RCSD1: variants seen among roughly 807,000 people sequenced by gnomAD.
The protein encoded by RCSD1 is capZ-interacting protein.
Under a neutral mutation model 42.5 loss-of-function variants are expected in RCSD1, and 26 were observed. The ratio of observed to expected loss-of-function variants is 0.61; its 90% CI spans 0.45 to 0.85. The LOEUF (loss-of-function observed/expected upper bound fraction) is 0.85. RCSD1 is among the 40% of genes least tolerant of loss of function. The probability of loss-of-function intolerance (pLI) is 0.00; values close to 1 mark genes in which losing one functional copy is unlikely to be tolerated. For synonymous variants in RCSD1, 220 were observed against 212.2 expected (o/e 1.04, Z -0.32); for missense variants, 571 against 528.3 (o/e 1.08, Z -0.79).
At chr1:167,701,300 C>CTTTCTTTCTTTA (rs1659635533) in intron 6 of RCSD1, among the ~76,000 whole-genome samples, 1 of 145,786 alleles carries the variant, frequency 6.9e-6, no homozygotes, top group Non-Finnish European at 1.5e-5. Flanking sequence ...TTCTTTCTTT[C>CTTTCTTTCTTTA]TTTCTTTCTT....
chr1:167,686,348 T>C (rs1181249203), intron 3 of RCSD1, among the ~76,000 whole-genome samples: 2 of 152,198 alleles, frequency 1.3e-5, no homozygotes, highest in African/African-American at 2.4e-5. Context: ...GGGACCAGCA[T>C]CCTGACAATA....
At chr1:167,651,370 T>G (rs989172317) in intron 1 of RCSD1, among the ~76,000 whole-genome samples, 1 of 152,184 alleles carries the variant, frequency 6.6e-6, no homozygotes, top group Non-Finnish European at 1.5e-5. Flanking sequence ...GTCCCACCTT[T>G]CCCTTCATGC....
Position 167,685,473 on chromosome 1 carries a change from T to C in RCSD1, c.161T>C (p.Phe54Ser), listed in dbSNP as rs781603481. 4 of 1,613,160 alleles carry C rather than the reference T, an allele frequency of 2.5e-6. No homozygotes were observed. The highest frequency in any genetic ancestry group is 2.7e-5 in the African/African-American group (2 of 74,704). The part of the protein sequence containing the change: ...RRKPPCSLPL[F>S]PPKVDLGQNG... ...AAACCGCCCTGTTCCCTCCCCCTGT[T>C]CCCCCCCAAGGTAGACCTGGGCCAG... Residue 54 changes from phenylalanine (F) to serine (S), a missense_variant, in exon 3 of 7, where the codon TTC becomes TCC. By Grantham distance (155) the Phe-to-Ser change is radical. Coordinates refer to ENST00000367854, the MANE Select transcript of RCSD1 (RefSeq NM_052862.4).
chr1:167,658,063 G>A (rs1224009716), intron 1 of RCSD1, among the ~76,000 whole-genome samples: 1 of 152,026 alleles, frequency 6.6e-6, no homozygotes, highest in African/African-American at 2.4e-5. Flanking sequence ...GAGTAACTGG[G>A]ACTACAGGTG....
intron 1 of RCSD1, among the ~76,000 whole-genome samples, chr1:167,636,586 TTTTG>T (rs574721447): frequency 3.3e-5 from 5 of 152,076 alleles, no homozygotes; most frequent in East Asian, 1.9e-4. Flanking sequence ...TTTTGTTTTT[TTTTG>T]TTTGTTTGTT....
At chr1:167,649,579 G>A (rs999564728) in intron 1 of RCSD1, among the ~76,000 whole-genome samples, 6 of 152,200 alleles carry the variant, frequency 3.9e-5, no homozygotes, top group Non-Finnish European at 2.9e-5. Context: ...CAGGAAGTTG[G>A]CTCTGGCCGT....
At chr1:167,680,571 A>G (rs1029284425) in intron 1 of RCSD1, among the ~76,000 whole-genome samples, 8 of 152,160 alleles carry the variant, frequency 5.3e-5, no homozygotes, top group African/African-American at 1.9e-4. Flanking sequence ...GCCTCGACCA[A>G]CTGGGCCCGA....
chr1:167,630,331 T>C lies in RCSD1; in HGVS notation c.-93T>C. On this transcript the variant is annotated 5_prime_UTR_variant, in exon 1 of 7. Coordinates refer to ENST00000367854, the MANE Select transcript of RCSD1 (RefSeq NM_052862.4). ...CCCTGTGCCCGCCGCAGCCCGAAAC[T>C]GGCCACGGCCGGGAGCGGAGGGGAC... 1 of 1,285,442 alleles carries C rather than the reference T, an allele frequency of 7.8e-7. No homozygotes were observed. The highest frequency in any genetic ancestry group is 1.0e-6 in the Non-Finnish European group (1 of 1,000,794). 79.6% of individuals were successfully genotyped at this position (1,285,442 alleles called of 1,614,324 possible).
chr1:167,689,980 T>G, intron 3 of RCSD1, 69 bp from the exon 4 acceptor site: 1 of 1,458,634 alleles, frequency 6.9e-7, no homozygotes, highest in Non-Finnish European at 9.6e-7. Context: ...CTGTGGCTTT[T>G]GGGTTCCAAC....
chr1:167,674,118 A>G lies in RCSD1; in HGVS notation c.7-9782A>G, dbSNP rs372004402. Among the ~76,000 whole-genome samples, 58 of 152,364 alleles carry G rather than the reference A, an allele frequency of 3.8e-4. 2 individuals are homozygous for G. The South Asian group carries it at 0.011, about 30-fold the overall frequency. ...CCCACATCTGACAAGTGTCAGGCCC[A>G]TAAGGTGTTCAATAAATATTAACTG... On this transcript the variant is annotated intron_variant, in intron 1 of 6. Transcript: ENST00000367854.
At chr1:167,659,163 C>G (rs78327305) in intron 1 of RCSD1, among the ~76,000 whole-genome samples, 5 of 152,100 alleles carry the variant, frequency 3.3e-5, no homozygotes, top group Admixed American at 2.0e-4. Context: ...CAAGTACTAT[C>G]GTAAGTTTGA....
intron 1 of RCSD1, among the ~76,000 whole-genome samples, chr1:167,674,732 T>G: frequency 6.6e-6 from 1 of 152,228 alleles, no homozygotes; most frequent in African/African-American, 2.4e-5. Flanking sequence ...TAATATGTGG[T>G]CTTTTGTGAT....
chr1:167,684,064 C>T (rs1659157031), intron 2 of RCSD1, 63 bp downstream of exon 2: 2 of 1,379,330 alleles, frequency 1.4e-6, no homozygotes, highest in South Asian at 1.2e-5. Context: ...GAAATCTGGT[C>T]AGGCCCAGCG....
rs3738220 is a variant in RCSD1, at chr1:167,630,296, C to T, written c.-128C>T. The T allele has an allele frequency of 0.14, 151,830 of 1,082,414 alleles. 11,323 individuals are homozygous for T. Among genetic ancestry groups the T allele is most frequent in the East Asian group, 0.22 (6,621 of 29,924 alleles). 67.1% of individuals were successfully genotyped at this position (1,082,414 alleles called of 1,614,324 possible). On this transcript the variant is annotated 5_prime_UTR_variant, in exon 1 of 7. Transcript: ENST00000367854. ...CCGAGCGCAGCCGGGCGCGCGCCAC[C>T]GCCCACTCGCCCTGTGCCCGCCGCA...
intron 1 of RCSD1, among the ~76,000 whole-genome samples, chr1:167,644,099 G>C (rs889297762): frequency 1.3e-5 from 2 of 152,152 alleles, no homozygotes; most frequent in Middle Eastern, 3.2e-3. Context: ...ACTAGGGGAG[G>C]CTTGGGCATA....
chr1:167,679,717 G>C (rs192694880), intron 1 of RCSD1, among the ~76,000 whole-genome samples: 98 of 152,334 alleles, frequency 6.4e-4, no homozygotes, highest in Non-Finnish European at 8.4e-4. Context: ...AGCTGCAGAT[G>C]ATGAGGCCTT....
Position 167,685,478 on chromosome 1 carries a change from C to A in RCSD1, c.166C>A (p.Pro56Thr), listed in dbSNP as rs139623754. The A allele has an allele frequency of 2.8e-5, 45 of 1,613,854 alleles. No homozygotes were observed. Among genetic ancestry groups the A allele is most frequent in the Admixed American group, 8.3e-5 (5 of 59,980 alleles). The change falls in exon 3 of 7, where the codon CCC (proline) becomes ACC (threonine). Residue 56 changes from proline to threonine, a missense_variant. Coordinates refer to ENST00000367854, the MANE Select transcript of RCSD1 (RefSeq NM_052862.4). ...KPPCSLPLFP[P>T]KVDLGQNGEE... is the part of the protein sequence containing the mutation. ...GCCCTGTTCCCTCCCCCTGTTCCCC[C>A]CCAAGGTAGACCTGGGCCAGAATGG...
At chr1:167,661,723 A>G (rs565851189) in intron 1 of RCSD1, among the ~76,000 whole-genome samples, 1 of 152,372 alleles carries the variant, frequency 6.6e-6, no homozygotes, top group East Asian at 1.9e-4. Flanking sequence ...CTTGTGAGTC[A>G]TCTGCCCAAA....
At chr1:167,674,206 A>T (rs1486343358) in intron 1 of RCSD1, among the ~76,000 whole-genome samples, 1 of 152,238 alleles carries the variant, frequency 6.6e-6, no homozygotes, top group African/African-American at 2.4e-5. Context: ...CTTCACAGGT[A>T]CTTGACATGA....
Sources: allele counts gnomAD v4.1 joint callset (sites outside exome capture counted in the v4.1 genomes callset), GRCh38; gene constraint gnomAD v4.1.1; transcripts MANE v1.5; gene names NCBI Gene and HGNC (gene_info 2026-07-23, HGNC 2026-07-21).